Variants in MS4A4E observed in about 807,000 individuals in gnomAD.
MS4A4E encodes putative membrane-spanning 4-domains subfamily A member 4E.
MS4A4E carries 23 observed loss-of-function variants against 13.3 expected under a neutral mutation model. That is an observed-to-expected ratio of 1.73 (90% CI 1.25 to 2.45). The LOEUF is 2.45. MS4A4E is among the 30% of genes most tolerant of loss of function. The probability of loss-of-function intolerance (pLI) is 0.00; values close to 1 mark genes in which losing one functional copy is unlikely to be tolerated. For synonymous variants in MS4A4E, 36 were observed against 45.6 expected (o/e 0.79, Z 0.85); for missense variants, 144 against 131.2 (o/e 1.10, Z -0.48).
intron 1 of MS4A4E, among the ~76,000 whole-genome samples, chr11:60,234,473 A>G (rs1459428340): frequency 6.6e-6 from 1 of 152,168 alleles, no homozygotes; most frequent in African/African-American, 2.4e-5. Flanking sequence ...TGAATGGATA[A>G]ATGTCATTAT....
chr11:60,219,461 A>C (rs1193621752), intron 3 of MS4A4E, among the ~76,000 whole-genome samples: 1 of 152,162 alleles, frequency 6.6e-6, no homozygotes, highest in African/African-American at 2.4e-5. Context: ...CTAGAAGTGA[A>C]ATTGACAGGA....
intron 1 of MS4A4E, among the ~76,000 whole-genome samples, chr11:60,232,431 G>T (rs573391494): frequency 3.3e-5 from 5 of 152,096 alleles, no homozygotes; most frequent in Admixed American, 3.3e-4. Flanking sequence ...CAGAATGGCT[G>T]CAGGAAGAAG....
intron 8 of MS4A4E, among the ~76,000 whole-genome samples, chr11:60,202,115 T>C (rs2083996777): frequency 6.6e-6 from 1 of 152,246 alleles, no homozygotes; most frequent in Non-Finnish European, 1.5e-5. Flanking sequence ...ATTCTTGGCC[T>C]AACTTCAACC....
Position 60,208,768 on chromosome 11 carries a change from T to C in MS4A4E, c.382-74A>G, listed in dbSNP as rs1000854723. The stretch of plus-strand genomic sequence containing the variant: ...TGAAAACATTTCCCAGCAACCACAG[T>C]GTCATAAGAGAAAAAGCACTGGCTG... On this transcript the variant is annotated intron_variant, in intron 5 of 8. Coordinates refer to ENST00000651255, the MANE Select transcript of MS4A4E (RefSeq NM_001393391.1). The C allele has an allele frequency of 3.2e-5, 18 of 563,038 alleles. No individual in the cohort carries two copies. In the East Asian group the frequency reaches 5.6e-4, roughly 17 times the overall value. 34.9% of individuals were successfully genotyped at this position (563,038 alleles called of 1,614,324 possible).
Position 60,228,635 on chromosome 11 carries a change from C to A in MS4A4E, c.145-8G>T. On this transcript the variant is annotated splice_polypyrimidine_tract_variant and splice_region_variant and intron_variant, in intron 2 of 8. Coordinates refer to ENST00000651255, the MANE Select transcript of MS4A4E (RefSeq NM_001393391.1). ...CTTATGTCCACACAAAACCTGCACACAGATATTTATAGCAACGTTACTCCT... is the reference window on the plus strand; with the variant it reads ...CTTATGTCCACACAAAACCTGCACAAAGATATTTATAGCAACGTTACTCCT... The A allele has an allele frequency of 1.4e-6, 1 of 697,142 alleles. No individual in the cohort carries two copies. Among genetic ancestry groups the A allele is most frequent in the Non-Finnish European group, 2.6e-6 (1 of 382,366 alleles). The allele number at this position is 697,142 out of a possible 1,614,324, so 43.2% of individuals were successfully genotyped here.
chr11:60,213,928 T>C (rs892719002), intron 4 of MS4A4E, among the ~76,000 whole-genome samples: 1 of 152,028 alleles, frequency 6.6e-6, no homozygotes, highest in Non-Finnish European at 1.5e-5. Flanking sequence ...CTTTTTGAGA[T>C]GGAGTCTTGC....
At chr11:60,240,324 T>G (rs1378686866) in intron 1 of MS4A4E, among the ~76,000 whole-genome samples, 1 of 152,236 alleles carries the variant, frequency 6.6e-6, no homozygotes, top group Non-Finnish European at 1.5e-5. Context: ...CAACCATTTT[T>G]TAACTCTGTA....
chr11:60,204,380 G>A (rs1313282509), intron 8 of MS4A4E, among the ~76,000 whole-genome samples: 7 of 67,844 alleles, frequency 1.0e-4, no homozygotes, highest in South Asian at 6.4e-4. Flanking sequence ...TTCACTTGGC[G>A]CTTCTCAGTT....
rs534838578 is a variant in MS4A4E, at chr11:60,217,861, T to C, written c.179-3247A>G. On this transcript the variant is annotated intron_variant, in intron 3 of 8. Transcript: ENST00000651255. The stretch of plus-strand genomic sequence containing the variant: ...TTAACTGCACAAATTGTACAGCATG[T>C]GTGTTTAAACAATATGAAATCTGGG... Among the ~76,000 whole-genome samples the C allele has an allele frequency of 3.7e-3, 570 of 152,256 alleles. 4 individuals carry two copies. Among genetic ancestry groups the C allele is most frequent in the African/African-American group, 0.013 (560 of 41,546 alleles).
At chr11:60,228,135 G>C (rs1246100874) in intron 3 of MS4A4E, among the ~76,000 whole-genome samples, 1 of 152,066 alleles carries the variant, frequency 6.6e-6, no homozygotes, top group African/African-American at 2.4e-5. Context: ...CTCTGCAGAA[G>C]ACACTGTCAG....
chr11:60,232,982 G>A (rs2084431995), intron 1 of MS4A4E, among the ~76,000 whole-genome samples: 1 of 152,062 alleles, frequency 6.6e-6, no homozygotes, highest in Non-Finnish European at 1.5e-5. Context: ...GGCACCCATA[G>A]CTTTGATTGA....
intron 6 of MS4A4E, among the ~76,000 whole-genome samples, chr11:60,207,029 T>A (rs1324444966): frequency 6.6e-6 from 1 of 152,120 alleles, no homozygotes; most frequent in African/African-American, 2.4e-5. Context: ...AACCAAGGTA[T>A]CATGAAAAAT....
rs559599019 is a variant in MS4A4E at position 60,204,163 on chromosome 11, A to G, written c.659+727T>C. Among the ~76,000 whole-genome samples the G allele has an allele frequency of 4.6e-5, 7 of 152,350 alleles. No homozygotes were observed. The South Asian group carries it at 1.4e-3, about 32-fold the overall frequency. ...ATTTTACAAAATCCAAGACAGAACA[A>G]AGAATCAGGAGATGTAAGGACTTCT... is the stretch of plus-strand genomic sequence containing the variant. On this transcript the variant is annotated intron_variant, in intron 8 of 8. Coordinates refer to ENST00000651255, the MANE Select transcript of MS4A4E (RefSeq NM_001393391.1).
chr11:60,206,483 A>ATATG (rs199742674), intron 6 of MS4A4E, among the ~76,000 whole-genome samples: 722 of 5,740 alleles, frequency 0.13, 31 homozygotes, highest in African/African-American at 0.21. Context: ...ACATATATAT[A>ATATG]TATATGTATA....
rs77766793 is a variant in MS4A4E at position 60,207,282 on chromosome 11, T to C, written c.483+1311A>G. Among the ~76,000 whole-genome samples, 902 of 152,314 alleles carry C rather than the reference T, an allele frequency of 5.9e-3. 14 individuals carry two copies. The highest frequency in any genetic ancestry group is 0.021 in the African/African-American group (875 of 41,570). ...TAGCCAAGATATGCCCCAAAGCCAC[T>C]GCTTTTCTGGACTCAAACCAGGGGA... is the stretch of plus-strand genomic sequence containing the variant. On this transcript the variant is annotated intron_variant, in intron 6 of 8. Transcript: ENST00000651255.
At chr11:60,208,011 A>C (rs2084069698) in intron 6 of MS4A4E, among the ~76,000 whole-genome samples, 1 of 152,192 alleles carries the variant, frequency 6.6e-6, no homozygotes, top group Non-Finnish European at 1.5e-5. Context: ...ATATTTTCTT[A>C]TCTGGATTCA....
chr11:60,231,602 T>C (rs641829), intron 1 of MS4A4E, among the ~76,000 whole-genome samples: 138,921 of 152,154 alleles, frequency 0.91, 63,555 homozygotes, highest in Non-Finnish European at 0.94. Context: ...GACACTATGG[T>C]CACAGATTTC....
At chr11:60,213,311 G>T in intron 4 of MS4A4E, 179 bp from the exon 5 acceptor site, 1 of 1,534,738 alleles carries the variant, frequency 6.5e-7, no homozygotes, top group Non-Finnish European at 8.7e-7. Context: ...TTATTCTCCA[G>T]CTTAAATTCT....
At chr11:60,219,406 T>C (rs2084238033) in intron 3 of MS4A4E, among the ~76,000 whole-genome samples, 2 of 152,202 alleles carry the variant, frequency 1.3e-5, no homozygotes, top group Non-Finnish European at 2.9e-5. Context: ...CAGAATAGTC[T>C]GACTTGTGTA....
Sources: allele counts gnomAD v4.1 joint callset (sites outside exome capture counted in the v4.1 genomes callset), GRCh38; gene constraint gnomAD v4.1.1; transcripts MANE v1.5; gene names NCBI Gene and HGNC (gene_info 2026-07-23, HGNC 2026-07-21).